Variants in CDC42BPB observed in about 807,000 individuals in gnomAD.
CDC42BPB encodes CDC42 binding protein kinase beta.
CDC42BPB carries 37 observed loss-of-function variants against 214.9 expected under a neutral mutation model. The observed-to-expected ratio is 0.17, with a 90% confidence interval of 0.13 to 0.23. The LOEUF is 0.23. CDC42BPB is among the 10% of genes least tolerant of loss of function. CDC42BPB has a pLI of 1.00. For missense variants in CDC42BPB, 1,694 were observed against 2,227.0 expected, an observed-to-expected ratio of 0.76 and a Z score of 4.82; for synonymous variants, 931 against 884.0, an observed-to-expected ratio of 1.05 and a Z score of -0.94.
At chr14:102,960,883 G>C (rs997609673) in intron 20 of CDC42BPB, among the ~76,000 whole-genome samples, 4 of 152,134 alleles carry the variant, frequency 2.6e-5, no homozygotes, top group Non-Finnish European at 5.9e-5. Flanking sequence ...AATGAGGCTG[G>C]GCACGGTGGC....
At position 102,973,756 on chromosome 14, in the gene CDC42BPB, C is replaced by T. The variant is rs34410748; in HGVS notation, c.1641+260G>A. Among the ~76,000 whole-genome samples the T allele has an allele frequency of 8.2e-3, 1,251 of 152,290 alleles. 16 individuals carry two copies. Among genetic ancestry groups the T allele is most frequent in the African/African-American group, 0.028 (1,169 of 41,568 alleles). ...AAGTGGAGACTGGAGAGGCTGATTG[C>T]GAGGTGGATAACCGCTGGGGGCAAG... On this transcript the variant is annotated intron_variant, in intron 12 of 36. Transcript: ENST00000361246.
At chr14:102,934,729 G>A (rs1254436484) in intron 36 of CDC42BPB, among the ~76,000 whole-genome samples, 6 of 151,446 alleles carry the variant, frequency 4.0e-5, no homozygotes, top group East Asian at 2.0e-4. Flanking sequence ...GATCAGCCAC[G>A]GGCCGGGTGC....
intron 18 of CDC42BPB, among the ~76,000 whole-genome samples, chr14:102,965,089 A>G (rs1893138066): frequency 6.6e-6 from 1 of 152,020 alleles, no homozygotes; most frequent in South Asian, 2.1e-4. Flanking sequence ...CCGCACCACC[A>G]TGCCTGGCTA....
Position 102,938,130 on chromosome 14 carries a change from C to G in CDC42BPB, c.4978G>C (p.Asp1660His), listed in dbSNP as rs753465444. The G allele has an allele frequency of 6.2e-7, 1 of 1,614,020 alleles. No individual in the cohort carries two copies. Among genetic ancestry groups the G allele is most frequent in the Non-Finnish European group, 8.5e-7 (1 of 1,180,004 alleles). The change falls in exon 36 of 37, where the codon GAT (aspartate) becomes CAT (histidine). Residue 1660 changes from aspartate (D) to histidine (H), a missense_variant. Physicochemically the swap from Asp to His is moderately conservative, Grantham distance 81 (BLOSUM62 -1). Coordinates refer to ENST00000361246, the MANE Select transcript of CDC42BPB (RefSeq NM_006035.4). ...TCTTTGTCAAAGTCCTGGTCTGGAT[C>G]AGACATACTTCTCAGAGGCACAGTC... Reference protein sequence around the residue: ...SVTVPLRSMSDPDQDFDKEPD... With the variant: ...SVTVPLRSMSHPDQDFDKEPD...
At chr14:103,051,651 C>A (rs1410225197) in intron 1 of CDC42BPB, among the ~76,000 whole-genome samples, 3 of 152,218 alleles carry the variant, frequency 2.0e-5, no homozygotes, top group African/African-American at 7.2e-5. Context: ...GTTGTGAGTT[C>A]TGTAATTTAC....
At chr14:103,015,340 G>C (rs10047845) in intron 1 of CDC42BPB, among the ~76,000 whole-genome samples, 16,867 of 152,116 alleles carry the variant, frequency 0.11, 1,095 homozygotes, top group African/African-American at 0.17. Flanking sequence ...AAAATAATTA[G>C]GCTGGGCATG....
At chr14:102,946,068 G>A (rs1892153207) in intron 28 of CDC42BPB, among the ~76,000 whole-genome samples, 1 of 152,202 alleles carries the variant, frequency 6.6e-6, no homozygotes, top group Non-Finnish European at 1.5e-5. Flanking sequence ...GAGTGCAGTG[G>A]TGTGATCTCG....
Position 102,954,606 on chromosome 14 carries a change from T to C in CDC42BPB, c.2984A>G (p.Gln995Arg), listed in dbSNP as rs1161351674. 6.2e-7 allele frequency: 1 copy of C among 1,612,964 alleles called. No homozygotes were observed. The highest frequency in any genetic ancestry group is 2.2e-5 in the East Asian group (1 of 44,884). Reference protein sequence around the residue: ...PSMSVAASEQQEDMARPPQRP... With the variant: ...PSMSVAASEQREDMARPPQRP... ...ACCAGGGCAACGCTGTCTCACCTCC[T>C]GCTGCTCTGATGCAGCCACAGACAT... Residue 995 changes from glutamine (Q) to arginine (R), a missense_variant, in exon 22 of 37, where the codon CAG (glutamine) becomes CGG (arginine). By Grantham distance (43) the Gln-to-Arg change is conservative. This residue lies in a region of CDC42BPB where 156 missense variants were observed against 154.5 expected (regional missense o/e 1.01). Coordinates refer to ENST00000361246, the MANE Select transcript of CDC42BPB (RefSeq NM_006035.4).
At chr14:102,951,340 G>C (rs186887653) in intron 24 of CDC42BPB, among the ~76,000 whole-genome samples, 78 of 152,344 alleles carry the variant, frequency 5.1e-4, no homozygotes, top group African/African-American at 1.7e-3. Context: ...TCAGGAAGGC[G>C]TGAGTGCTCA....
At chr14:102,979,731 C>T (rs1893915247) in intron 8 of CDC42BPB, among the ~76,000 whole-genome samples, 1 of 152,142 alleles carries the variant, frequency 6.6e-6, no homozygotes, top group South Asian at 2.1e-4. Flanking sequence ...GGTTAAACCT[C>T]AGCTTGTCTA....
At chr14:102,984,626 G>C (rs776720269) in intron 6 of CDC42BPB, among the ~76,000 whole-genome samples, 11 of 152,042 alleles carry the variant, frequency 7.2e-5, no homozygotes, top group Non-Finnish European at 1.5e-4. Flanking sequence ...CAAGCGGGAG[G>C]AGCCTGGTGA....
In CDC42BPB at chr14:102,999,555, A is replaced by G; in HGVS notation, c.596+10T>C. On this transcript the variant is annotated intron_variant, in intron 5 of 36. Coordinates refer to ENST00000361246, the MANE Select transcript of CDC42BPB (RefSeq NM_006035.4). ...CGTGGTTTCCATAAAATATATCAGA[A>G]GCCGGTTACCTGTGCACGTAATGAA... The G allele has an allele frequency of 2.5e-6, 4 of 1,613,162 alleles. No homozygotes were observed. The highest frequency in any genetic ancestry group is 3.4e-6 in the Non-Finnish European group (4 of 1,179,300).
In CDC42BPB at chr14:103,001,703, C is replaced by T. The variant is rs1264326089; in HGVS notation, c.448-1990G>A. Among the ~76,000 whole-genome samples the T allele has an allele frequency of 1.3e-5, 2 of 152,166 alleles. No individual in the cohort carries two copies. Among genetic ancestry groups the T allele is most frequent in the Admixed American group, 6.5e-5 (1 of 15,286 alleles). On this transcript the variant is annotated intron_variant, in intron 4 of 36. Coordinates refer to ENST00000361246, the MANE Select transcript of CDC42BPB (RefSeq NM_006035.4). The surrounding 1 kb of genome is among the most constrained non-coding windows in gnomAD (Gnocchi z 5.8). Reference sequence around the variant, plus strand: ...GCAGGCATTCCAGAGGGAGCGGCCCCGGCAGCTGACGGACACACACGGGGC... The same window carrying T: ...GCAGGCATTCCAGAGGGAGCGGCCCTGGCAGCTGACGGACACACACGGGGC...
At chr14:102,979,371 C>T (rs1893898156) in intron 8 of CDC42BPB, among the ~76,000 whole-genome samples, 1 of 152,022 alleles carries the variant, frequency 6.6e-6, no homozygotes. Flanking sequence ...GCTATCATGC[C>T]CGGCTAATTT....
At position 102,934,815 on chromosome 14, in the gene CDC42BPB, T is replaced by TCCTG. The variant is rs1451453205; in HGVS notation, c.5005-973_5005-972insCAGG. Among the ~76,000 whole-genome samples, 11 of 151,520 alleles carry TCCTG rather than the reference T, an allele frequency of 7.3e-5. No individual in the cohort carries two copies. The East Asian group carries it at 2.1e-3, about 30-fold the overall frequency. On this transcript the variant is annotated intron_variant, in intron 36 of 36. Transcript: ENST00000361246. ...TCATGAGGTCAGGAGATTGAGACCA[T>TCCTG]CCTAACACAGTGAAACCCTGTCTCT...
intron 4 of CDC42BPB, among the ~76,000 whole-genome samples, chr14:103,000,298 T>C (rs1479544700): frequency 1.3e-5 from 2 of 152,216 alleles, no homozygotes; most frequent in Non-Finnish European, 2.9e-5. Flanking sequence ...GCCCGTCACT[T>C]CCCCGCGAGT....
intron 23 of CDC42BPB, chr14:102,952,833 G>C (rs1184890623): frequency 2.1e-5 from 14 of 654,962 alleles, no homozygotes; most frequent in Non-Finnish European, 2.7e-5. Context: ...TTCAGTGGGA[G>C]AGCACTGCTA....
chr14:102,980,269 C>A (rs1272631049), intron 8 of CDC42BPB, among the ~76,000 whole-genome samples: 1 of 152,166 alleles, frequency 6.6e-6, no homozygotes, highest in African/African-American at 2.4e-5. Context: ...CAGAGGTGGG[C>A]GGATCATGTG....
intron 1 of CDC42BPB, among the ~76,000 whole-genome samples, chr14:103,044,016 CTTAA>C (rs1310250693): frequency 1.3e-5 from 2 of 152,152 alleles, no homozygotes; most frequent in Non-Finnish European, 2.9e-5. Context: ...TCCCTGACAC[CTTAA>C]TTAACTGGTA....
Sources: allele counts gnomAD v4.1 joint callset (sites outside exome capture counted in the v4.1 genomes callset), GRCh38; gene constraint gnomAD v4.1.1; regional missense constraint gnomAD v4.1.1; non-coding constraint Gnocchi (gnomAD v3.1); transcripts MANE v1.5; gene names NCBI Gene and HGNC (gene_info 2026-07-23, HGNC 2026-07-21).